THEMIS: variants seen among roughly 807,000 people sequenced by gnomAD.
THEMIS encodes the protein thymocyte selection associated, also known as protein THEMIS.
In THEMIS, 37 loss-of-function variants were observed where a neutral mutation model predicts 52.6. The ratio of observed to expected loss-of-function variants is 0.70; its 90% CI spans 0.54 to 0.93. THEMIS has a LOEUF of 0.93. Ranked by LOEUF, THEMIS falls within the 40% of genes least tolerant of loss-of-function variation. The pLI, the probability that THEMIS is intolerant of heterozygous loss-of-function variation, is 0.00. For synonymous variants in THEMIS, 292 were observed against 272.7 expected (o/e 1.07, Z -0.70); for missense variants, 808 against 763.1 (o/e 1.06, Z -0.69).
intron 4 of THEMIS, among the ~76,000 whole-genome samples, chr6:127,730,313 AAAGAG>A (rs1455827907): frequency 0.011 from 1,479 of 139,780 alleles, 39 homozygotes; most frequent in African/African-American, 0.041. Flanking sequence ...AAAGAAAAGA[AAAGAG>A]AAAAAAAGAA....
intron 4 of THEMIS, among the ~76,000 whole-genome samples, chr6:127,778,231 A>T (rs982570934): frequency 6.6e-6 from 1 of 152,128 alleles, no homozygotes; most frequent in African/African-American, 2.4e-5. Context: ...AAGCAAATAT[A>T]AAAAGAAAGA....
intron 4 of THEMIS, among the ~76,000 whole-genome samples, chr6:127,794,196 T>G (rs914346590): frequency 1.1e-4 from 16 of 152,342 alleles, no homozygotes; most frequent in African/African-American, 3.8e-4. Context: ...CATTGCTATC[T>G]TCCTAGCCCA....
At chr6:127,829,223 G>A (rs562547829) in intron 3 of THEMIS, among the ~76,000 whole-genome samples, 1 of 152,224 alleles carries the variant, frequency 6.6e-6, no homozygotes, top group Non-Finnish European at 1.5e-5. Flanking sequence ...AGTTTGATCT[G>A]TCTGTTCCTG....
intron 5 of THEMIS, among the ~76,000 whole-genome samples, chr6:127,718,428 CATACG>C: frequency 6.6e-6 from 1 of 151,962 alleles, no homozygotes; most frequent in East Asian, 1.9e-4. Flanking sequence ...TGGTCTGTAA[CATACG>C]CTGTACTACT....
intron 2 of THEMIS, among the ~76,000 whole-genome samples, chr6:127,837,106 C>T (rs907784959): frequency 4.6e-5 from 7 of 152,108 alleles, no homozygotes; most frequent in Non-Finnish European, 7.3e-5. Context: ...TAAATGCTGG[C>T]TGTCTGGCAG....
At chr6:127,731,036 T>A (rs1774775371) in intron 4 of THEMIS, among the ~76,000 whole-genome samples, 1 of 152,238 alleles carries the variant, frequency 6.6e-6, no homozygotes, top group Non-Finnish European at 1.5e-5. Context: ...AGGGTCCCAC[T>A]GTATTTTTAA....
At chr6:127,707,795 A>G (rs1562203370), downstream of THEMIS, among the ~76,000 whole-genome samples, 1 of 152,078 alleles carries the variant, frequency 6.6e-6, no homozygotes, top group Non-Finnish European at 1.5e-5. Flanking sequence ...CTCTAATCTT[A>G]AAGAGTTTTT....
chr6:127,768,290 C>T (rs1387804515), intron 4 of THEMIS, among the ~76,000 whole-genome samples: 1 of 152,098 alleles, frequency 6.6e-6, no homozygotes, highest in Non-Finnish European at 1.5e-5. Context: ...AGCTTCCCTC[C>T]CTTCTAACTA....
At chr6:127,809,923 T>A (rs1219238179) in intron 4 of THEMIS, among the ~76,000 whole-genome samples, 1 of 151,160 alleles carries the variant, frequency 6.6e-6, no homozygotes. Context: ...CAGAACCTCT[T>A]AACATCTTTA....
chr6:127,863,263 T>G (rs887767345), intron 1 of THEMIS, among the ~76,000 whole-genome samples: 3 of 152,158 alleles, frequency 2.0e-5, no homozygotes, highest in African/African-American at 7.2e-5. Flanking sequence ...GCAGGAAAAT[T>G]TAAATACTCT....
chr6:127,883,097 C>T (rs967979220), intron 1 of THEMIS, among the ~76,000 whole-genome samples: 9 of 151,846 alleles, frequency 5.9e-5, no homozygotes, highest in African/African-American at 1.2e-4. Context: ...ACAAGACAAA[C>T]GTAGTTACTA....
At chr6:127,797,028 G>A (rs1011597691) in intron 4 of THEMIS, among the ~76,000 whole-genome samples, 1 of 152,158 alleles carries the variant, frequency 6.6e-6, no homozygotes, top group Non-Finnish European at 1.5e-5. Context: ...CTAAGTCAAG[G>A]CTTCTTCCTG....
chr6:127,791,194 G>A (rs1397720231), intron 4 of THEMIS, among the ~76,000 whole-genome samples: 1 of 152,204 alleles, frequency 6.6e-6, no homozygotes, highest in African/African-American at 2.4e-5. Context: ...AGTAGAGGGT[G>A]AGCAAGGTGA....
At chr6:127,812,449 T>C (rs540197401) in intron 4 of THEMIS, among the ~76,000 whole-genome samples, 1 of 152,302 alleles carries the variant, frequency 6.6e-6, no homozygotes, top group South Asian at 2.1e-4. Flanking sequence ...GTGCTATAGA[T>C]GCATGCTACC....
At chr6:127,896,839 T>G (rs1780983066) in intron 1 of THEMIS, among the ~76,000 whole-genome samples, 1 of 151,662 alleles carries the variant, frequency 6.6e-6, no homozygotes, top group South Asian at 2.1e-4. Context: ...CCAGGTATTT[T>G]TATTTCACAA....
chr6:127,826,525 T>G (rs573125164), intron 3 of THEMIS, among the ~76,000 whole-genome samples: 243 of 152,126 alleles, frequency 1.6e-3, no homozygotes, highest in Non-Finnish European at 3.1e-3. Context: ...GGCATTGAGA[T>G]TTTTTCAAAA....
intron 1 of THEMIS, among the ~76,000 whole-genome samples, chr6:127,887,058 C>T (rs1052229958): frequency 6.6e-6 from 1 of 150,678 alleles, no homozygotes; most frequent in Non-Finnish European, 1.5e-5. Flanking sequence ...AAACTTTTTG[C>T]TTCAAAGGCA....
At chr6:127,816,657 G>T (rs1002861748) in intron 3 of THEMIS, among the ~76,000 whole-genome samples, 1 of 152,006 alleles carries the variant, frequency 6.6e-6, no homozygotes, top group Non-Finnish European at 1.5e-5. Flanking sequence ...CTTTCTAACC[G>T]GTATCCTTGC....
intron 4 of THEMIS, among the ~76,000 whole-genome samples, chr6:127,779,106 T>C (rs890992508): frequency 2.0e-5 from 3 of 152,102 alleles, no homozygotes; most frequent in Non-Finnish European, 4.4e-5. Context: ...ACTGCCTACA[T>C]GTGATGATCA....
Sources: gnomAD v4.1 joint callset for allele counts (sites outside exome capture counted in the v4.1 genomes callset) on GRCh38, gnomAD v4.1.1 for gene constraint, MANE v1.5 for transcripts, NCBI Gene and HGNC (gene_info 2026-07-23, HGNC 2026-07-21) for gene names.